The following KIFAP3 variants were observed in gnomAD, a reference collection of about 807,000 sequenced individuals.
KIFAP3 encodes kinesin-associated protein 3.
A neutral mutation model predicts 106.5 loss-of-function variants in KIFAP3; 68 were observed. The observed-to-expected ratio is 0.64, with a 90% CI of 0.53 to 0.78. The LOEUF is 0.78. Among genes scored for constraint, KIFAP3 ranks in the 30% least tolerant of loss-of-function variants. The probability of loss-of-function intolerance (pLI) is 0.00; values close to 1 mark genes in which losing one functional copy is unlikely to be tolerated. For missense variants in KIFAP3, 780 were observed against 941.8 expected, an observed-to-expected ratio of 0.83 and a Z score of 2.25; for synonymous variants, 320 against 311.5, an observed-to-expected ratio of 1.03 and a Z score of -0.29.
intron 11 of KIFAP3, among the ~76,000 whole-genome samples, chr1:169,991,737 G>A (rs1216694250): frequency 6.6e-6 from 1 of 151,794 alleles, no homozygotes; most frequent in East Asian, 1.9e-4. Context: ...TGTGATAAAT[G>A]GGAAAAAATC....
chr1:170,034,578 C>T (rs915561781), intron 6 of KIFAP3, 82 bp from the exon 7 acceptor site: 12 of 633,902 alleles, frequency 1.9e-5, no homozygotes, highest in Admixed American at 1.1e-4. Context: ...ATCACTGGTA[C>T]GAACCATGTA....
chr1:169,999,742 T>C (rs1558233579), intron 10 of KIFAP3, among the ~76,000 whole-genome samples: 1 of 152,200 alleles, frequency 6.6e-6, no homozygotes, highest in South Asian at 2.1e-4. Flanking sequence ...TGAATTATCT[T>C]AGCATTTGTG....
At chr1:169,922,101 AT>A (rs548238411) in intron 19 of KIFAP3, among the ~76,000 whole-genome samples, 9 of 152,200 alleles carry the variant, frequency 5.9e-5, no homozygotes, top group Non-Finnish European at 1.3e-4. Flanking sequence ...ATATGAAAAG[AT>A]TTTACATGCT....
intron 17 of KIFAP3, among the ~76,000 whole-genome samples, chr1:169,968,319 T>A (rs142404283): frequency 2.2e-3 from 330 of 151,976 alleles, no homozygotes; most frequent in Non-Finnish European, 3.9e-3. Context: ...TCAGAGCCTG[T>A]TCACTATCAG....
chr1:170,016,487 C>A lies in KIFAP3; in HGVS notation c.1158G>T (p.Leu386=), dbSNP rs745819442. The A allele has an allele frequency of 1.9e-6, 3 of 1,605,320 alleles. No individual in the cohort carries two copies. Among genetic ancestry groups the A allele is most frequent in the Non-Finnish European group, 2.5e-6 (3 of 1,176,586 alleles). The change falls in exon 10 of 20, where the codon CTG becomes CTT. Residue 386 remains leucine, a synonymous_variant. Transcript: ENST00000361580. The stretch of plus-strand genomic sequence containing the variant: ...CTAGGAGTGCAGTGAGCTTGGGAAG[C>A]AGTCCAACTTGTACCATCTTATTCC... ...GLRNKMVQVG[L]LPKLTALLGN... is the part of the protein sequence containing the mutation.
At chr1:169,934,881 G>C (rs986895894) in intron 19 of KIFAP3, among the ~76,000 whole-genome samples, 2 of 152,080 alleles carry the variant, frequency 1.3e-5, no homozygotes, top group African/African-American at 4.8e-5. Context: ...CCCTTCCCCA[G>C]AGTTTGTTGG....
intron 19 of KIFAP3, among the ~76,000 whole-genome samples, chr1:169,943,629 A>C (rs1390859913): frequency 6.6e-6 from 1 of 152,198 alleles, no homozygotes; most frequent in African/African-American, 2.4e-5. Flanking sequence ...TATTACCTTA[A>C]AAATCATTTT....
intron 9 of KIFAP3, among the ~76,000 whole-genome samples, chr1:170,019,578 G>A (rs368534223): frequency 4.6e-5 from 7 of 152,082 alleles, no homozygotes; most frequent in Admixed American, 2.6e-4. Context: ...GCGAATATGC[G>A]AAAAACCCAT....
At chr1:170,079,940 A>G (rs1263252850) in intron 1 of KIFAP3, among the ~76,000 whole-genome samples, 1 of 152,050 alleles carries the variant, frequency 6.6e-6, no homozygotes, top group Non-Finnish European at 1.5e-5. Flanking sequence ...TAATTTTGGT[A>G]GAATTATCCC....
chr1:169,968,093 T>C (rs994246710), intron 17 of KIFAP3, among the ~76,000 whole-genome samples: 7 of 151,928 alleles, frequency 4.6e-5, no homozygotes, highest in Non-Finnish European at 1.0e-4. Flanking sequence ...TTGAGTCTAT[T>C]GTGTATTTAA....
chr1:170,049,032 G>A (rs1670430268), intron 2 of KIFAP3, among the ~76,000 whole-genome samples: 1 of 152,236 alleles, frequency 6.6e-6, no homozygotes, highest in Admixed American at 6.5e-5. Context: ...GTCTCACTCA[G>A]TGAGTCCCAC....
chr1:169,939,938 G>A (rs923292581), intron 19 of KIFAP3, among the ~76,000 whole-genome samples: 4 of 152,176 alleles, frequency 2.6e-5, no homozygotes, highest in African/African-American at 9.7e-5. Context: ...TTTGGATAAA[G>A]GGAATTGAGA....
chr1:169,951,754 C>G (rs568657329), intron 19 of KIFAP3, among the ~76,000 whole-genome samples: 61 of 151,820 alleles, frequency 4.0e-4, no homozygotes, highest in African/African-American at 1.4e-3. Flanking sequence ...TTAAAAAAAG[C>G]AAGTCTTTCT....
chr1:169,923,628 A>T (rs150988451), intron 19 of KIFAP3, among the ~76,000 whole-genome samples: 91 of 152,272 alleles, frequency 6.0e-4, no homozygotes, highest in African/African-American at 2.1e-3. Flanking sequence ...TTGTTTCTCA[A>T]TCTAGGGGCT....
chr1:170,008,420 C>G (rs1190573526), intron 10 of KIFAP3, among the ~76,000 whole-genome samples: 3 of 151,202 alleles, frequency 2.0e-5, no homozygotes, highest in Non-Finnish European at 4.4e-5. Context: ...AACAAATTTA[C>G]AAGAAAAAAA....
At chr1:170,007,597 C>T (rs1194207113) in intron 10 of KIFAP3, among the ~76,000 whole-genome samples, 1 of 152,048 alleles carries the variant, frequency 6.6e-6, no homozygotes, top group African/African-American at 2.4e-5. Context: ...GAACTACAAA[C>T]CACTGCTCAA....
intron 1 of KIFAP3, among the ~76,000 whole-genome samples, chr1:170,057,154 T>C (rs1419727114): frequency 1.3e-5 from 2 of 152,130 alleles, no homozygotes; most frequent in East Asian, 1.9e-4. Flanking sequence ...TATAACTGTA[T>C]ACAGTTAAGG....
At chr1:169,933,209 G>T (rs1663591276) in intron 19 of KIFAP3, among the ~76,000 whole-genome samples, 1 of 151,864 alleles carries the variant, frequency 6.6e-6, no homozygotes, top group Non-Finnish European at 1.5e-5. Flanking sequence ...GATTTATAGT[G>T]GGCAGTATTA....
chr1:169,971,877 G>A (rs1340260567), intron 17 of KIFAP3, among the ~76,000 whole-genome samples: 1 of 151,884 alleles, frequency 6.6e-6, no homozygotes, highest in African/African-American at 2.4e-5. Context: ...TCGAGTATCT[G>A]GTACAGCCCT....
Sources: gnomAD v4.1 joint callset for allele counts (sites outside exome capture counted in the v4.1 genomes callset) on GRCh38, gnomAD v4.1.1 for gene constraint, MANE v1.5 for transcripts, NCBI Gene and HGNC (gene_info 2026-07-23, HGNC 2026-07-21) for gene names.